SLC6A4: variants seen among roughly 807,000 people sequenced by gnomAD.
SLC6A4 encodes sodium-dependent serotonin transporter.
SLC6A4 carries 22 observed loss-of-function variants against 73.4 expected under a neutral mutation model. The observed-to-expected ratio is 0.30, with a 90% CI of 0.21 to 0.43. The LOEUF is 0.43. Ranked by LOEUF, SLC6A4 falls within the 20% of genes least tolerant of loss-of-function variation. The probability of loss-of-function intolerance (pLI) is 1.00; values close to 1 mark genes in which losing one functional copy is unlikely to be tolerated. For missense variants in SLC6A4, 593 were observed against 808.5 expected (o/e 0.73, Z 3.23); for synonymous variants, 270 against 315.5 (o/e 0.86, Z 1.53).
rs201709950 is a variant in SLC6A4 at position 30,195,620 on chromosome 17, G to A, written c.*2836C>T. ...AAACTCCAGTTCACCTGTCTTTAGC[G>A]CTCTCAATAACAGAGAAATTAGCTT... On this transcript the variant is annotated 3_prime_UTR_variant, in exon 15 of 15. Coordinates refer to ENST00000650711, the MANE Select transcript of SLC6A4 (RefSeq NM_001045.6). The A allele has an allele frequency of 3.9e-5, 6 of 152,134 alleles. No individual in the cohort carries two copies. In the East Asian group the frequency reaches 5.8e-4, roughly 15 times the overall value. The allele number at this position is 152,134 out of a possible 1,614,324, so 9.4% of individuals were successfully genotyped here. A position where few individuals can be genotyped will look rare whatever the true frequency, so the allele number is the denominator to read the frequency against.
chr17:30,215,438 G>A (rs1451728687), intron 8 of SLC6A4, among the ~76,000 whole-genome samples, 173 bp downstream of exon 8: 2 of 152,166 alleles, frequency 1.3e-5, no homozygotes, highest in African/African-American at 2.4e-5. Flanking sequence ...GCCTGGATGA[G>A]TGCTCTGGCC....
At chr17:30,215,210 T>A (rs1208518917) in intron 8 of SLC6A4, among the ~76,000 whole-genome samples, 1 of 152,128 alleles carries the variant, frequency 6.6e-6, no homozygotes, top group East Asian at 1.9e-4. Flanking sequence ...GCCTGGCTAA[T>A]CTTTGTATTT....
At chr17:30,210,809 T>A (rs1176008043) in intron 10 of SLC6A4, among the ~76,000 whole-genome samples, 163 bp from the exon 11 acceptor site, 1 of 152,176 alleles carries the variant, frequency 6.6e-6, no homozygotes, top group African/African-American at 2.4e-5. Flanking sequence ...AAAGAGTATT[T>A]CCCTGTTTTA....
intron 8 of SLC6A4, among the ~76,000 whole-genome samples, chr17:30,213,544 T>G (rs577052977): frequency 6.6e-6 from 1 of 152,012 alleles, no homozygotes; most frequent in South Asian, 2.1e-4. Context: ...CTCACACTTT[T>G]AAATGACAGC....
intron 13 of SLC6A4, 115 bp from the exon 14 acceptor site, chr17:30,203,454 C>G: frequency 2.2e-6 from 2 of 897,224 alleles, no homozygotes; most frequent in Non-Finnish European, 3.4e-6. Context: ...AGGAAATTCC[C>G]AAGATGTGAT....
Position 30,198,445 on chromosome 17 carries a change from C to T in SLC6A4, c.*11G>A, listed in dbSNP as rs776733062. 2.6e-5 allele frequency: 40 copies of T among 1,553,766 alleles called. No homozygotes were observed. Among genetic ancestry groups the T allele is most frequent in the Non-Finnish European group, 3.3e-5 (37 of 1,130,866 alleles). On this transcript the variant is annotated 3_prime_UTR_variant, in exon 15 of 15. Transcript: ENST00000650711. Reference sequence around the variant, plus strand: ...GGTTGTGGAGAAGCCTTTTTCCTCTCGGTGAGTGTGTTACACAGCATTCAA... The same window carrying T: ...GGTTGTGGAGAAGCCTTTTTCCTCTTGGTGAGTGTGTTACACAGCATTCAA...
intron 8 of SLC6A4, among the ~76,000 whole-genome samples, chr17:30,213,131 G>C (rs1307260501): frequency 6.6e-6 from 1 of 152,134 alleles, no homozygotes; most frequent in Admixed American, 6.5e-5. Flanking sequence ...AGGCAATCCT[G>C]CTAGCACAGA....
At chr17:30,212,640 AG>A in intron 9 of SLC6A4, 99 bp downstream of exon 9, 1 of 1,410,444 alleles carries the variant, frequency 7.1e-7, no homozygotes, top group Non-Finnish European at 9.8e-7. Context: ...GGAAAATTTC[AG>A]GAACATTTAG....
intron 8 of SLC6A4, among the ~76,000 whole-genome samples, chr17:30,214,422 C>CAAAAAA (rs748274109): frequency 1.4e-4 from 11 of 79,388 alleles, no homozygotes; most frequent in African/African-American, 3.8e-4. Context: ...AACTCCGTCT[C>CAAAAAA]AAAAAAAAAA....
At chr17:30,215,787 C>T in intron 7 of SLC6A4, 73 bp from the exon 8 acceptor site, 1 of 1,307,314 alleles carries the variant, frequency 7.6e-7, no homozygotes, top group Admixed American at 1.7e-5. Flanking sequence ...ACAGGGTCGC[C>T]ACTCCTGCCT....
chr17:30,218,446 C>T lies in SLC6A4; in HGVS notation c.479-109G>A, dbSNP rs570118698. The T allele has an allele frequency of 5.8e-5, 48 of 822,854 alleles. No individual in the cohort carries two copies. In the Admixed American group the frequency reaches 5.9e-4, roughly 10 times the overall value. 51.0% of individuals were successfully genotyped at this position (822,854 alleles called of 1,614,324 possible). A position where few individuals can be genotyped will look rare whatever the true frequency, so the allele number is the denominator to read the frequency against. ...CCCCGCAGCCCAGCAGAGGGGTACA[C>T]GTGGGTGCTGCCCTCCATTCCATTC... On this transcript the variant is annotated intron_variant, in intron 4 of 14. Transcript: ENST00000650711.
At position 30,216,197 on chromosome 17, in the gene SLC6A4, G is replaced by A; in HGVS notation, c.857C>T (p.Thr286Ile). Residue 286 changes from threonine (T) to isoleucine (I), a missense_variant, in exon 7 of 15, where the codon ACC becomes ATC. Thr to Ile is a moderately conservative substitution (Grantham distance 89). Transcript: ENST00000650711. ...GACAGAAAGGATGATATAAGGGAAGGTGGCTGTCACCCACACCACCTGTAA... is the reference window on the plus strand; with the variant it reads ...GACAGAAAGGATGATATAAGGGAAGATGGCTGTCACCCACACCACCTGTAA... ...TSGKVVWVTA[T>I]FPYIILSVLL... The A allele has an allele frequency of 6.2e-7, 1 of 1,605,922 alleles. No homozygotes were observed. Among genetic ancestry groups the A allele is most frequent in the South Asian group, 1.1e-5 (1 of 90,874 alleles).
chr17:30,219,258 A>G (rs1032624709), intron 3 of SLC6A4, among the ~76,000 whole-genome samples: 22 of 152,168 alleles, frequency 1.4e-4, no homozygotes, highest in African/African-American at 5.1e-4. Context: ...CTGAGCCCCA[A>G]TTTCCTCCCT....
At chr17:30,224,565 A>G (rs567145065) in intron 1 of SLC6A4, among the ~76,000 whole-genome samples, 12 of 152,248 alleles carry the variant, frequency 7.9e-5, no homozygotes, top group Admixed American at 2.0e-4. Context: ...CTGTACTGCC[A>G]CTTTCCTCTC....
chr17:30,215,744 G>T (rs771689576), intron 7 of SLC6A4, 30 bp from the exon 8 acceptor site: 1 of 1,585,462 alleles, frequency 6.3e-7, no homozygotes, highest in South Asian at 1.1e-5. Flanking sequence ...AGGGCATGGG[G>T]TGAGGGGGAG....
intron 3 of SLC6A4, among the ~76,000 whole-genome samples, 166 bp downstream of exon 3, chr17:30,221,421 GCCCACCCCAGGTCACAGCCCACCCGGGTC>G (rs1428192993): frequency 0.012 from 1,433 of 124,608 alleles, 23 homozygotes; most frequent in Non-Finnish European, 0.02. Context: ...CCGGGTCACA[GCCCACCCCAGGTCACAGCCCACCCGGGTC>G]ACAGCCCACC....
At chr17:30,230,120 G>A (rs546453935) in intron 1 of SLC6A4, among the ~76,000 whole-genome samples, 144 of 129,962 alleles carry the variant, frequency 1.1e-3, no homozygotes, top group Middle Eastern at 3.6e-3. Context: ...AGAGGAAGAG[G>A]AAGAGGAGGA....
chr17:30,222,463 C>A (rs936167855), intron 2 of SLC6A4, among the ~76,000 whole-genome samples: 3 of 152,182 alleles, frequency 2.0e-5, no homozygotes, highest in Non-Finnish European at 2.9e-5. Context: ...CAGAGCACCC[C>A]CTTTGTCTTG....
At chr17:30,210,797 T>C in intron 10 of SLC6A4, 151 bp from the exon 11 acceptor site, 1 of 773,548 alleles carries the variant, frequency 1.3e-6, no homozygotes, top group Non-Finnish European at 2.0e-6. Flanking sequence ...TGTAAGCATC[T>C]CAAAGAGTAT....
Sources: gnomAD v4.1 joint callset for allele counts (sites outside exome capture counted in the v4.1 genomes callset) on GRCh38, gnomAD v4.1.1 for gene constraint, MANE v1.5 for transcripts, NCBI Gene and HGNC (gene_info 2026-07-23, HGNC 2026-07-21) for gene names.